Variants in DLGAP3 observed in about 807,000 individuals in gnomAD.
DLGAP3 encodes the protein DLG associated protein 3.
A neutral mutation model predicts 81.2 loss-of-function variants in DLGAP3; 17 were observed. That is an observed-to-expected ratio of 0.21 (90% confidence interval 0.14 to 0.31). The LOEUF is 0.31. Ranked by LOEUF, DLGAP3 falls within the 10% of genes least tolerant of loss-of-function variation. DLGAP3 has a pLI of 1.00. For synonymous variants in DLGAP3, 577 were observed against 587.4 expected, an observed-to-expected ratio of 0.98 and a Z score of 0.26; for missense variants, 1,124 against 1,388.0, an observed-to-expected ratio of 0.81 and a Z score of 3.02.
chr1:34,891,227 G>T lies in DLGAP3; in HGVS notation c.1387-4942C>A, dbSNP rs181249161. Among the ~76,000 whole-genome samples the T allele has an allele frequency of 7.2e-5, 11 of 152,286 alleles. No individual in the cohort carries two copies. In the South Asian group the frequency reaches 1.9e-3, roughly 26 times the overall value. ...AGTATTCTTGCCTGAGGCTGCTCTC[G>T]TTCACCAGGCTCCCAATGCTATCAG... On this transcript the variant is annotated intron_variant, in intron 5 of 11. Transcript: ENST00000373347.
At position 34,873,298 on chromosome 1, in the gene DLGAP3, C is replaced by T. The variant is rs565404104; in HGVS notation, c.2001-4209G>A. ...ACCCCAATCATCACAATGAAGTGGG[C>T]GATGGGGGGTGGTTATCTGCTGGAG... On this transcript the variant is annotated intron_variant, in intron 8 of 11. Coordinates refer to ENST00000373347, the MANE Select transcript of DLGAP3 (RefSeq NM_001080418.3). The surrounding 1 kb of genome is among the most constrained non-coding windows in gnomAD (Gnocchi z 4.2). Among the ~76,000 whole-genome samples the T allele has an allele frequency of 4.1e-4, 63 of 152,178 alleles. 1 individual carries two copies. The highest frequency in any genetic ancestry group is 1.2e-3 in the South Asian group (6 of 4,824).
At chr1:34,908,935 GT>G (rs1639599466) in intron 1 of DLGAP3, among the ~76,000 whole-genome samples, 2 of 152,170 alleles carry the variant, frequency 1.3e-5, no homozygotes, top group African/African-American at 4.8e-5. Flanking sequence ...CTCTCAAATA[GT>G]TGTTGAAAAA....
Position 34,900,563 on chromosome 1 carries a change from T to C in DLGAP3, c.1108-290A>G, listed in dbSNP as rs1442880839. Among the ~76,000 whole-genome samples, 1 of 152,208 alleles carries C rather than the reference T, an allele frequency of 6.6e-6. No homozygotes were observed. The highest frequency in any genetic ancestry group is 1.5e-5 in the Non-Finnish European group (1 of 68,028). On this transcript the variant is annotated intron_variant, in intron 3 of 11. Coordinates refer to ENST00000373347, the MANE Select transcript of DLGAP3 (RefSeq NM_001080418.3). This position sits in a 1 kb window ranked among gnomAD's most constrained non-coding sequence, Gnocchi z 5.6. ...GATGATCAGAGGCCAAAGTGACCTG[T>C]GTCAATCCCATGCCCAGCAGTCAGG...
Position 34,868,987 on chromosome 1 carries a change from C to T in DLGAP3, c.2103G>A (p.Lys701=), listed in dbSNP as rs1178634444. ...AGLATVATED[K]ALQFGRSFQR... ...GGAAGGAGCGTCCAAACTGCAGGGC[C>T]TTGTCTTCTGTGGCCACCGTGGCCA... The change falls in exon 9 of 12, where the codon AAG becomes AAA. Residue 701 remains lysine, a synonymous_variant. Coordinates refer to ENST00000373347, the MANE Select transcript of DLGAP3 (RefSeq NM_001080418.3). The surrounding 1 kb of genome is among the most constrained non-coding windows in gnomAD (Gnocchi z 7.5). 3 of 1,608,304 alleles carry T rather than the reference C, an allele frequency of 1.9e-6. No homozygotes were observed. Among genetic ancestry groups the T allele is most frequent in the Non-Finnish European group, 2.5e-6 (3 of 1,179,752 alleles).
At chr1:34,889,160 G>A (rs1212720667) in intron 5 of DLGAP3, among the ~76,000 whole-genome samples, 1 of 152,194 alleles carries the variant, frequency 6.6e-6, no homozygotes, top group Admixed American at 6.5e-5. Context: ...AGAATGAGAA[G>A]TGCCTCTTTC....
intron 4 of DLGAP3, 65 bp from the exon 5 acceptor site, chr1:34,899,806 A>C (rs1569637057): frequency 3.3e-6 from 5 of 1,501,220 alleles, no homozygotes; most frequent in Middle Eastern, 1.9e-4. Flanking sequence ...AGGGGAGATA[A>C]TAGCACTGGG....
At chr1:34,866,789 C>G (rs1451942855) in intron 11 of DLGAP3, among the ~76,000 whole-genome samples, 1 of 151,482 alleles carries the variant, frequency 6.6e-6, no homozygotes, top group Non-Finnish European at 1.5e-5. Flanking sequence ...CCGCCACCCC[C>G]CCAACCCCGC....
At chr1:34,876,400 T>C (rs1391753561) in intron 8 of DLGAP3, among the ~76,000 whole-genome samples, 5 of 152,124 alleles carry the variant, frequency 3.3e-5, no homozygotes, top group African/African-American at 1.2e-4. Flanking sequence ...GAGAAACAGA[T>C]ACTGGGATGA....
chr1:34,928,260 C>T (rs2148423661), intron 1 of DLGAP3, among the ~76,000 whole-genome samples: 1 of 152,282 alleles, frequency 6.6e-6, no homozygotes, highest in East Asian at 1.9e-4. Flanking sequence ...AGAGCGCCAC[C>T]TGCTCTGATG....
At chr1:34,906,094 T>TTATA (rs1485993634) in intron 2 of DLGAP3, among the ~76,000 whole-genome samples, 1 of 139,020 alleles carries the variant, frequency 7.2e-6, no homozygotes, top group Non-Finnish European at 1.6e-5. Flanking sequence ...ATATATATTT[T>TTATA]TATATACACA....
In DLGAP3 at chr1:34,893,435, A is replaced by G. The variant is rs978313174; in HGVS notation, c.1386+6234T>C. On this transcript the variant is annotated intron_variant, in intron 5 of 11. Coordinates refer to ENST00000373347, the MANE Select transcript of DLGAP3 (RefSeq NM_001080418.3). ...TAAAGTAATAGCCAATGGTAACTCA[A>G]ATACAGAAGAAGAAATAAAGAGCAC... Among the ~76,000 whole-genome samples the G allele has an allele frequency of 2.0e-5, 3 of 152,244 alleles. No individual in the cohort carries two copies. In the East Asian group the frequency reaches 5.8e-4, roughly 29 times the overall value.
chr1:34,894,264 C>CA (rs59073158), intron 5 of DLGAP3, among the ~76,000 whole-genome samples: 44,286 of 117,046 alleles, frequency 0.38, 7,920 homozygotes, highest in East Asian at 0.73. Flanking sequence ...TAAGATAAAG[C>CA]AAAAAAAAAA....
In DLGAP3 at chr1:34,895,864, T is replaced by A. The variant is rs987433748; in HGVS notation, c.1386+3805A>T. Among the ~76,000 whole-genome samples the A allele has an allele frequency of 6.6e-6, 1 of 151,210 alleles. No individual in the cohort carries two copies. Among genetic ancestry groups the A allele is most frequent in the Non-Finnish European group, 1.5e-5 (1 of 67,912 alleles). On this transcript the variant is annotated intron_variant, in intron 5 of 11. Transcript: ENST00000373347. The surrounding 1 kb of genome is among the most constrained non-coding windows in gnomAD (Gnocchi z 4.5). ...TTTTCAACAAATGATGCTGGGAAAATTGGATATCCGCATTCAAAAACATAA... is the reference window on the plus strand; with the variant it reads ...TTTTCAACAAATGATGCTGGGAAAAATGGATATCCGCATTCAAAAACATAA...
At chr1:34,878,744 T>C (rs1639098169) in intron 8 of DLGAP3, among the ~76,000 whole-genome samples, 2 of 152,238 alleles carry the variant, frequency 1.3e-5, no homozygotes, top group Non-Finnish European at 2.9e-5. Flanking sequence ...CCAACCTTTT[T>C]GGCACCAGGG....
Position 34,868,782 on chromosome 1 carries a change from G to A in DLGAP3, c.2308C>T (p.Arg770Cys), listed in dbSNP as rs767955367. Residue 770 changes from arginine to cysteine, a missense_variant, in exon 9 of 12, where the codon CGC (arginine) becomes TGC (cysteine). Coordinates refer to ENST00000373347, the MANE Select transcript of DLGAP3 (RefSeq NM_001080418.3). This position sits in a 1 kb window ranked among gnomAD's most constrained non-coding sequence, Gnocchi z 7.5. ...PAPTPGPGAG[R>C]RDSWIERGSR... ...CCGCGCTCTATCCAGGAGTCACGGC[G>A]GCCGGCCCCAGGGCCGGGGGTGGGG... 28 of 1,590,682 alleles carry A rather than the reference G, an allele frequency of 1.8e-5. No homozygotes were observed. The highest frequency in any genetic ancestry group is 4.5e-5 in the East Asian group (2 of 44,500).
At chr1:34,920,998 G>A (rs1025042423) in intron 1 of DLGAP3, among the ~76,000 whole-genome samples, 2 of 152,182 alleles carry the variant, frequency 1.3e-5, no homozygotes, top group African/African-American at 4.8e-5. Context: ...AATGTGACTT[G>A]AGCAAAGACT....
intron 1 of DLGAP3, among the ~76,000 whole-genome samples, chr1:34,913,600 T>C (rs1258494955): frequency 6.6e-6 from 1 of 152,248 alleles, no homozygotes; most frequent in African/African-American, 2.4e-5. Context: ...GTTTATAGTA[T>C]GTCTCCCCAT....
Position 34,900,480 on chromosome 1 carries a change from C to A in DLGAP3, c.1108-207G>T, listed in dbSNP as rs1043772634. ...CGTCATCCTCCACAGACCTTCTGCA[C>A]TTAATTAAGGGCCACCTAGAGAGTC... On this transcript the variant is annotated intron_variant, in intron 3 of 11. Coordinates refer to ENST00000373347, the MANE Select transcript of DLGAP3 (RefSeq NM_001080418.3). The surrounding 1 kb of genome is among the most constrained non-coding windows in gnomAD (Gnocchi z 5.6). Among the ~76,000 whole-genome samples the A allele has an allele frequency of 6.6e-6, 1 of 152,258 alleles. No homozygotes were observed. The highest frequency in any genetic ancestry group is 6.5e-5 in the Admixed American group (1 of 15,290).
In DLGAP3 at chr1:34,868,531, C is replaced by T; in HGVS notation, c.2485+74G>A. On this transcript the variant is annotated intron_variant, in intron 9 of 11. Coordinates refer to ENST00000373347, the MANE Select transcript of DLGAP3 (RefSeq NM_001080418.3). The surrounding 1 kb of genome is among the most constrained non-coding windows in gnomAD (Gnocchi z 7.5). ...TCCTGTTACACTGCAGCCCCAGCCA[C>T]CCCCATCAGGGTCTCCTGAGCACAC... The T allele has an allele frequency of 7.6e-7, 1 of 1,324,336 alleles. No individual in the cohort carries two copies. Among genetic ancestry groups the T allele is most frequent in the South Asian group, 1.2e-5 (1 of 84,866 alleles). 82.0% of individuals were successfully genotyped at this position (1,324,336 alleles called of 1,614,324 possible). A position where few individuals can be genotyped will look rare whatever the true frequency, so the allele number is the denominator to read the frequency against.
Sources: allele counts gnomAD v4.1 joint callset (sites outside exome capture counted in the v4.1 genomes callset), GRCh38; gene constraint gnomAD v4.1.1; non-coding constraint Gnocchi (gnomAD v3.1); transcripts MANE v1.5; gene names NCBI Gene and HGNC (gene_info 2026-07-23, HGNC 2026-07-21).